Variants in GRID2 observed in about 807,000 individuals in gnomAD.
The protein encoded by GRID2 is glutamate ionotropic receptor delta type subunit 2, also known as glutamate receptor ionotropic, delta-2.
In GRID2, 33 loss-of-function variants were observed where a neutral mutation model predicts 114.8. The ratio of observed to expected loss-of-function variants is 0.29; its 90% CI spans 0.22 to 0.38. The LOEUF (loss-of-function observed/expected upper bound fraction) is 0.38. Ranked by LOEUF, GRID2 falls within the 10% of genes least tolerant of loss-of-function variation. GRID2 has a pLI of 1.00. For synonymous variants in GRID2, 505 were observed against 449.9 expected (o/e 1.12, Z -1.55); for missense variants, 1,184 against 1,257.7 (o/e 0.94, Z 0.89).
At chr4:93,617,624 T>C (rs1046179106) in intron 13 of GRID2, among the ~76,000 whole-genome samples, 1 of 152,176 alleles carries the variant, frequency 6.6e-6, no homozygotes, top group Non-Finnish European at 1.5e-5. Context: ...ATTGGTATTA[T>C]AATCATTCTC....
At chr4:92,602,455 C>T (rs565039522) in intron 2 of GRID2, among the ~76,000 whole-genome samples, 1 of 152,222 alleles carries the variant, frequency 6.6e-6, no homozygotes, top group East Asian at 1.9e-4. Context: ...ACAAAAACCA[C>T]ATGATTATCT....
Position 93,115,402 on chromosome 4 carries a change from G to GACACACACACACAC in GRID2, c.735+4457_735+4470dup, listed in dbSNP as rs374431110. Among the ~76,000 whole-genome samples, 261 of 144,572 alleles carry GACACACACACACAC rather than the reference G, an allele frequency of 1.8e-3. 1 individual carries two copies. The highest frequency in any genetic ancestry group is 4.9e-3 in the African/African-American group (193 of 39,238). 94.8% of individuals were successfully genotyped at this position (144,572 alleles called of 152,430 possible). A position where few individuals can be genotyped will look rare whatever the true frequency, so the allele number is the denominator to read the frequency against. On this transcript the variant is annotated intron_variant, in intron 4 of 15. Transcript: ENST00000282020. ...TTATGTGGCATTCCAAGTATATACAGACACACACACACACACACACATTTT... is the reference window on the plus strand; with the variant it reads ...TTATGTGGCATTCCAAGTATATACAGACACACACACACACACACACACACACACACACACATTTT...
At chr4:93,026,877 CA>C (rs1008148420) in intron 2 of GRID2, among the ~76,000 whole-genome samples, 1 of 151,602 alleles carries the variant, frequency 6.6e-6, no homozygotes, top group Non-Finnish European at 1.5e-5. Flanking sequence ...TTTAAAAATA[CA>C]AAAAAATGAT....
At chr4:93,380,026 C>T (rs1763708504) in intron 8 of GRID2, among the ~76,000 whole-genome samples, 1 of 151,910 alleles carries the variant, frequency 6.6e-6, no homozygotes, top group Non-Finnish European at 1.5e-5. Context: ...TGGTGCCCAA[C>T]CCTGCGAAAA....
chr4:92,600,040 GTGTGTA>G (rs1298835651), intron 2 of GRID2, among the ~76,000 whole-genome samples: 123 of 70,690 alleles, frequency 1.7e-3, no homozygotes, highest in African/African-American at 6.1e-3. Context: ...GTGTGTGTGT[GTGTGTA>G]TATATATATA....
chr4:92,725,160 G>A (rs1457256424), intron 2 of GRID2, among the ~76,000 whole-genome samples: 1 of 152,110 alleles, frequency 6.6e-6, no homozygotes, highest in African/African-American at 2.4e-5. Context: ...AATTAGCCCA[G>A]TGTGTTGGCA....
At chr4:93,242,939 C>T (rs1407187453) in intron 8 of GRID2, among the ~76,000 whole-genome samples, 1 of 151,998 alleles carries the variant, frequency 6.6e-6, no homozygotes, top group Non-Finnish European at 1.5e-5. Flanking sequence ...TAGATTACAT[C>T]TACTTTGTCC....
chr4:93,544,032 T>C (rs1732937835), intron 13 of GRID2, among the ~76,000 whole-genome samples: 1 of 152,216 alleles, frequency 6.6e-6, no homozygotes, highest in African/African-American at 2.4e-5. Context: ...ACACTCTCTA[T>C]ATTACATCAA....
At chr4:93,665,368 T>C (rs1331401585) in intron 14 of GRID2, among the ~76,000 whole-genome samples, 1 of 152,238 alleles carries the variant, frequency 6.6e-6, no homozygotes, top group Non-Finnish European at 1.5e-5. Flanking sequence ...TAATTCATAC[T>C]CTCCTTCCTT....
At chr4:92,744,115 A>G (rs1238581440) in intron 2 of GRID2, among the ~76,000 whole-genome samples, 7 of 152,158 alleles carry the variant, frequency 4.6e-5, no homozygotes, top group Admixed American at 1.3e-4. Flanking sequence ...TTTTAAATGC[A>G]TGTTTACCCT....
intron 7 of GRID2, among the ~76,000 whole-genome samples, chr4:93,230,915 T>C (rs573644930): frequency 2.6e-5 from 4 of 152,268 alleles, no homozygotes; most frequent in Non-Finnish European, 4.4e-5. Flanking sequence ...TATATTTATA[T>C]ATTGGGAAAG....
intron 4 of GRID2, among the ~76,000 whole-genome samples, chr4:93,181,805 T>C (rs1739921778): frequency 6.6e-6 from 1 of 152,214 alleles, no homozygotes; most frequent in Non-Finnish European, 1.5e-5. Flanking sequence ...ACACAGCACA[T>C]AGACTAGTAC....
At chr4:93,323,310 TC>T (rs1757446383) in intron 8 of GRID2, among the ~76,000 whole-genome samples, 1 of 152,212 alleles carries the variant, frequency 6.6e-6, no homozygotes, top group Non-Finnish European at 1.5e-5. Context: ...GGGAATCCTT[TC>T]CCCATTTTTT....
intron 2 of GRID2, among the ~76,000 whole-genome samples, chr4:92,659,562 ATTC>A (rs1218592437): frequency 1.3e-5 from 2 of 151,612 alleles, no homozygotes; most frequent in East Asian, 1.9e-4. Flanking sequence ...ATAATACAGT[ATTC>A]TTATGCATTT....
At chr4:92,452,259 T>C (rs1720964752) in intron 1 of GRID2, among the ~76,000 whole-genome samples, 1 of 152,110 alleles carries the variant, frequency 6.6e-6, no homozygotes, top group African/African-American at 2.4e-5. Flanking sequence ...ATTATTAATG[T>C]CAACATTGCC....
chr4:93,764,501 G>T (rs1183868155), intron 14 of GRID2, among the ~76,000 whole-genome samples: 1 of 152,102 alleles, frequency 6.6e-6, no homozygotes, highest in Non-Finnish European at 1.5e-5. Context: ...CTTTAGAGTT[G>T]CAATAGCCTT....
chr4:92,942,795 T>C (rs1188625363), intron 2 of GRID2, among the ~76,000 whole-genome samples: 2 of 152,184 alleles, frequency 1.3e-5, no homozygotes, highest in African/African-American at 4.8e-5. Flanking sequence ...CATTTGCTTG[T>C]CTGTAAAGGA....
intron 2 of GRID2, among the ~76,000 whole-genome samples, chr4:92,740,738 AGATG>A (rs1358303268): frequency 2.1e-4 from 29 of 141,154 alleles, no homozygotes; most frequent in African/African-American, 7.3e-4. Context: ...ATAGATAGAT[AGATG>A]GATAGATAGA....
At chr4:92,971,450 A>C (rs1256688260) in intron 2 of GRID2, among the ~76,000 whole-genome samples, 1 of 152,044 alleles carries the variant, frequency 6.6e-6, no homozygotes, top group Admixed American at 6.6e-5. Flanking sequence ...GTACATACAC[A>C]GTTATATTTT....
Sources: gnomAD v4.1 joint callset for allele counts (sites outside exome capture counted in the v4.1 genomes callset) on GRCh38, gnomAD v4.1.1 for gene constraint, MANE v1.5 for transcripts, NCBI Gene and HGNC (gene_info 2026-07-23, HGNC 2026-07-21) for gene names.